The following DRICH1 variants were observed in gnomAD, a reference collection of about 807,000 sequenced individuals.
DRICH1 encodes aspartate-rich protein 1.
Under a neutral mutation model 39.5 loss-of-function variants are expected in DRICH1, and 38 were observed. The ratio of observed to expected loss-of-function variants is 0.96; its 90% CI spans 0.74 to 1.26. DRICH1 has a LOEUF of 1.26. Ranked by LOEUF, DRICH1 falls within the 50% of genes most tolerant of loss-of-function variation. The pLI is 0.00. For synonymous variants in DRICH1, 84 were observed against 99.5 expected (o/e 0.84, Z 0.93); for missense variants, 279 against 270.4 (o/e 1.03, Z -0.22).
At chr22:23,621,856 T>C (rs893898650) in intron 4 of DRICH1, among the ~76,000 whole-genome samples, 5 of 151,904 alleles carry the variant, frequency 3.3e-5, no homozygotes, top group African/African-American at 1.2e-4. Flanking sequence ...GGAGCCGAGA[T>C]TGCACCACTG....
rs1003005717 is a variant in DRICH1 at position 23,629,618 on chromosome 22, ATTTC to A, written c.208+2194_208+2197del. ...TGGATTGCAGCATTTCTTTTTATTT[ATTTC>A]TTTATGTTTTTGAGACAGAGTCTCA... is the stretch of plus-strand genomic sequence containing the variant. On this transcript the variant is annotated intron_variant, in intron 1 of 11. Coordinates refer to ENST00000317749, the MANE Select transcript of DRICH1 (RefSeq NM_016449.4). 1.8e-4 allele frequency among the ~76,000 whole-genome samples: 27 copies of A among 151,412 alleles called. No homozygotes were observed. In the Middle Eastern group the frequency reaches 0.02, roughly 114 times the overall value.
chr22:23,598,985 A>G, the DRICH1 span, among the ~76,000 whole-genome samples: 2 of 152,210 alleles, frequency 1.3e-5, no homozygotes, highest in African/African-American at 4.8e-5. Flanking sequence ...TAACTGCTCT[A>G]GGCCTCAGTT....
At chr22:23,621,126 C>T (rs1927701060) in intron 4 of DRICH1, among the ~76,000 whole-genome samples, 1 of 152,072 alleles carries the variant, frequency 6.6e-6, no homozygotes, top group African/African-American at 2.4e-5. Context: ...ACACAATCTG[C>T]CTTGAACTGG....
At chr22:23,596,419 TTTA>T in the DRICH1 span, among the ~76,000 whole-genome samples, 55,864 of 149,986 alleles carry the variant, frequency 0.37, 10,597 homozygotes, top group East Asian at 0.53. Context: ...GGCACCCCCG[TTTA>T]TTTTTATTTT....
At chr22:23,601,090 G>T in the DRICH1 span, among the ~76,000 whole-genome samples, 1 of 151,770 alleles carries the variant, frequency 6.6e-6, no homozygotes, top group Non-Finnish European at 1.5e-5. Context: ...ATTTATACTG[G>T]TTTTATTCAC....
chr22:23,620,656 A>G lies in DRICH1; in HGVS notation c.385-41T>C, dbSNP rs1168995475. ...AGAAGATGCTATGAGGATCAGATCA[A>G]TTCTGCTGCACCCCTTACACAGATC... On this transcript the variant is annotated intron_variant, in intron 4 of 11. Transcript: ENST00000317749. The G allele has an allele frequency of 3.1e-6, 5 of 1,606,780 alleles. No individual in the cohort carries two copies. The African/African-American group carries it at 4.0e-5, about 13-fold the overall frequency.
chr22:23,624,467 C>G (rs955089065), intron 3 of DRICH1: 1 of 502,134 alleles, frequency 2.0e-6, no homozygotes, highest in South Asian at 8.6e-5. Context: ...TGTTTCTACA[C>G]CCTCCCTCAG....
At chr22:23,610,671 C>A (rs1427013300) in intron 11 of DRICH1, 2 of 152,226 alleles carry the variant, frequency 1.3e-5, no homozygotes, top group African/African-American at 4.8e-5. Flanking sequence ...CTGCTCTCTG[C>A]TGTTAGGTTT....
downstream of DRICH1, among the ~76,000 whole-genome samples, chr22:23,604,441 C>A (rs1291771971): frequency 6.6e-6 from 1 of 152,182 alleles, no homozygotes; most frequent in Non-Finnish European, 1.5e-5. Flanking sequence ...TCACACGACA[C>A]CCTCATTTTG....
intron 4 of DRICH1, among the ~76,000 whole-genome samples, chr22:23,621,464 G>A (rs1282692039): frequency 4.0e-5 from 6 of 151,888 alleles, no homozygotes; most frequent in African/African-American, 9.7e-5. Context: ...ATCAATATGT[G>A]ACACCCACGA....
intron 8 of DRICH1, among the ~76,000 whole-genome samples, chr22:23,614,609 T>A (rs1312368135): frequency 6.6e-6 from 1 of 152,224 alleles, no homozygotes; most frequent in Non-Finnish European, 1.5e-5. Context: ...ACATTTAGCA[T>A]CTCTTTTAAA....
At chr22:23,583,633 G>C in the DRICH1 span, among the ~76,000 whole-genome samples, 9 of 152,386 alleles carry the variant, frequency 5.9e-5, no homozygotes, top group South Asian at 1.2e-3. Flanking sequence ...CTGCATGCCA[G>C]ACAGCTCCCG....
At chr22:23,607,622 G>A (rs1926811921), downstream of DRICH1, among the ~76,000 whole-genome samples, 4 of 152,038 alleles carry the variant, frequency 2.6e-5, no homozygotes, top group Admixed American at 1.3e-4. Flanking sequence ...TTCTCCAAGT[G>A]TGGCCCCTGA....
chr22:23,600,209 A>G, the DRICH1 span, among the ~76,000 whole-genome samples: 4 of 152,150 alleles, frequency 2.6e-5, no homozygotes, highest in African/African-American at 4.8e-5. Context: ...GCAGCAATTG[A>G]AAGGGTCCCC....
rs201458787 is a variant in DRICH1 at position 23,622,090 on chromosome 22, C to T, written c.384+1G>A. ...TAGAAGACAAAGAAAGATTGTCTTA[C>T]CTGGGCATCATCATCATCATCATCA... On this transcript the variant is annotated splice_donor_variant, in intron 4 of 11. Coordinates refer to ENST00000317749, the MANE Select transcript of DRICH1 (RefSeq NM_016449.4). LOFTEE classifies it high-confidence loss of function. 2.5e-6 allele frequency: 4 copies of T among 1,605,204 alleles called. No homozygotes were observed. The South Asian group carries it at 4.4e-5, about 18-fold the overall frequency.
Position 23,622,147 on chromosome 22 carries a change from A to C in DRICH1, c.328T>G (p.Cys110Gly), listed in dbSNP as rs1197517655. 1.2e-6 allele frequency: 2 copies of C among 1,614,104 alleles called. No individual in the cohort carries two copies. Among genetic ancestry groups the C allele is most frequent in the Non-Finnish European group, 8.5e-7 (1 of 1,179,988 alleles). The part of the protein sequence containing the change: ...GSSEDNLSLV[C>G]LPRSEDDDCD... ...TCATCATCTTCACTTCGTGGTAGGCATACTAAACTCAGGTTGTCCTCAGAA... is the reference window on the plus strand; with the variant it reads ...TCATCATCTTCACTTCGTGGTAGGCCTACTAAACTCAGGTTGTCCTCAGAA... The change falls in exon 4 of 12, where the codon TGC becomes GGC. Residue 110 changes from cysteine (C) to glycine (G), a missense_variant. Transcript: ENST00000317749.
rs1927429098 is a variant in DRICH1, at chr22:23,617,483, C to T, written c.519+92G>A. On this transcript the variant is annotated intron_variant, in intron 7 of 11. Coordinates refer to ENST00000317749, the MANE Select transcript of DRICH1 (RefSeq NM_016449.4). ...TCTCACTTTTACTGTTTTTCAGCTG[C>T]CTGAGTCCATTCTTTGGGATTGGAT... 34 of 1,433,446 alleles carry T rather than the reference C, an allele frequency of 2.4e-5. 2 individuals carry two copies. In the South Asian group the frequency reaches 3.7e-4, roughly 16 times the overall value. The allele number at this position is 1,433,446 out of a possible 1,614,324, so 88.8% of individuals were successfully genotyped here.
intron 10 of DRICH1, 152 bp from the exon 11 acceptor site, chr22:23,613,482 C>T: frequency 1.1e-6 from 1 of 935,050 alleles, no homozygotes; most frequent in South Asian, 1.4e-5. Flanking sequence ...GGTCGACAAA[C>T]CTTCCTACAG....
chr22:23,585,364 C>T, the DRICH1 span, among the ~76,000 whole-genome samples: 1 of 152,006 alleles, frequency 6.6e-6, no homozygotes, highest in African/African-American at 2.4e-5. Flanking sequence ...GTCTCAAGCT[C>T]CTGAACTCAA....
Sources: gnomAD v4.1 joint callset for allele counts (sites outside exome capture counted in the v4.1 genomes callset) on GRCh38, gnomAD v4.1.1 for gene constraint, MANE v1.5 for transcripts, NCBI Gene and HGNC (gene_info 2026-07-23, HGNC 2026-07-21) for gene names.